The following FCHSD2 variants were observed in gnomAD, a reference collection of about 807,000 sequenced individuals.
FCHSD2 encodes the protein FCH and double SH3 domains 2.
A neutral mutation model predicts 108.1 loss-of-function variants in FCHSD2; 38 were observed. That is an observed-to-expected ratio of 0.35 (90% CI 0.27 to 0.46). FCHSD2 has a LOEUF of 0.46. Ranked by LOEUF, FCHSD2 falls within the 20% of genes least tolerant of loss-of-function variation. The pLI, the probability that FCHSD2 is intolerant of heterozygous loss-of-function variation, is 1.00. For synonymous variants in FCHSD2, 279 were observed against 314.7 expected, an observed-to-expected ratio of 0.89 and a Z score of 1.20; for missense variants, 751 against 897.8, an observed-to-expected ratio of 0.84 and a Z score of 2.09.
At chr11:73,127,045 C>G (rs918092033) in intron 2 of FCHSD2, among the ~76,000 whole-genome samples, 2 of 152,052 alleles carry the variant, frequency 1.3e-5, no homozygotes, top group Admixed American at 1.3e-4. Flanking sequence ...CAAAAGCAAA[C>G]AACAAAAAGA....
At chr11:72,958,244 GC>G (rs1856751390) in intron 8 of FCHSD2, among the ~76,000 whole-genome samples, 1 of 152,204 alleles carries the variant, frequency 6.6e-6, no homozygotes, top group Non-Finnish European at 1.5e-5. Flanking sequence ...CTGGCCAGGT[GC>G]AGTGGCTCAT....
intron 9 of FCHSD2, among the ~76,000 whole-genome samples, chr11:72,918,051 T>C (rs1399278178): frequency 6.6e-6 from 1 of 152,210 alleles, no homozygotes; most frequent in African/African-American, 2.4e-5. Flanking sequence ...TATATGCATT[T>C]ATTTATATCT....
chr11:73,063,386 GT>G (rs1257234269), intron 3 of FCHSD2, among the ~76,000 whole-genome samples: 5 of 152,194 alleles, frequency 3.3e-5, no homozygotes, highest in Non-Finnish European at 5.9e-5. Context: ...TCAACTAATG[GT>G]CAAAACAACC....
intron 8 of FCHSD2, among the ~76,000 whole-genome samples, chr11:72,952,574 C>T (rs1856639585): frequency 6.6e-6 from 1 of 152,146 alleles, no homozygotes; most frequent in South Asian, 2.1e-4. Context: ...ATCTACCGGC[C>T]TCGGCCTCTC....
At chr11:73,053,182 A>G (rs1362055015) in intron 3 of FCHSD2, among the ~76,000 whole-genome samples, 1 of 148,394 alleles carries the variant, frequency 6.7e-6, no homozygotes, top group East Asian at 2.0e-4. Context: ...ATAATTTTCA[A>G]TGAAGTAGGT....
chr11:73,090,400 T>C (rs1859927304), intron 2 of FCHSD2, among the ~76,000 whole-genome samples: 1 of 152,046 alleles, frequency 6.6e-6, no homozygotes, highest in African/African-American at 2.4e-5. Context: ...TAATTTTTTG[T>C]ATTTTTAGTA....
intron 2 of FCHSD2, among the ~76,000 whole-genome samples, chr11:73,120,655 G>C (rs548053186): frequency 6.6e-6 from 1 of 152,148 alleles, no homozygotes; most frequent in Admixed American, 6.5e-5. Context: ...TTTCATCTTG[G>C]AAGGCGGAGG....
At chr11:73,093,873 G>A (rs1860015128) in intron 2 of FCHSD2, among the ~76,000 whole-genome samples, 2 of 151,888 alleles carry the variant, frequency 1.3e-5, no homozygotes, top group African/African-American at 4.8e-5. Context: ...CCAAAGTGTT[G>A]GGATTACAGG....
intron 4 of FCHSD2, among the ~76,000 whole-genome samples, chr11:73,003,677 G>A (rs906666174): frequency 4.0e-5 from 6 of 151,156 alleles, no homozygotes; most frequent in Non-Finnish European, 7.4e-5. Flanking sequence ...TAGTAGAGAC[G>A]GGGTTTCACC....
intron 10 of FCHSD2, among the ~76,000 whole-genome samples, chr11:72,897,575 C>T: frequency 6.6e-6 from 1 of 152,050 alleles, no homozygotes; most frequent in Admixed American, 6.6e-5. Flanking sequence ...GAATCAATCC[C>T]CCATGGAAAC....
At chr11:72,925,998 C>CTT (rs1856068341) in intron 8 of FCHSD2, among the ~76,000 whole-genome samples, 1 of 152,198 alleles carries the variant, frequency 6.6e-6, no homozygotes, top group East Asian at 1.9e-4. Flanking sequence ...CGGGAAGGGC[C>CTT]CCCTGCCCCT....
At chr11:72,878,234 G>A (rs1295212646) in intron 12 of FCHSD2, among the ~76,000 whole-genome samples, 1 of 152,092 alleles carries the variant, frequency 6.6e-6, no homozygotes, top group Non-Finnish European at 1.5e-5. Context: ...CACTATGATT[G>A]TGCCTGTGAA....
intron 9 of FCHSD2, among the ~76,000 whole-genome samples, chr11:72,914,009 CTATTTATTTATT>C (rs557391974): frequency 6.6e-6 from 1 of 151,696 alleles, no homozygotes; most frequent in Non-Finnish European, 1.5e-5. Flanking sequence ...CTGCCTTAAG[CTATTTATTTATT>C]TATTTATTTA....
intron 3 of FCHSD2, among the ~76,000 whole-genome samples, chr11:73,082,607 C>T (rs368106300): frequency 3.6e-4 from 54 of 152,104 alleles, no homozygotes; most frequent in African/African-American, 1.3e-3. Context: ...CTAAAAGAGT[C>T]ATGCCCCAAT....
At chr11:73,069,520 T>A (rs77570823) in intron 3 of FCHSD2, among the ~76,000 whole-genome samples, 1 of 151,602 alleles carries the variant, frequency 6.6e-6, no homozygotes, top group East Asian at 1.9e-4. Flanking sequence ...AACAAAGCAA[T>A]GGATAAGATA....
chr11:73,053,870 C>G (rs1005291880), intron 3 of FCHSD2, among the ~76,000 whole-genome samples: 20 of 152,066 alleles, frequency 1.3e-4, no homozygotes, highest in Non-Finnish European at 4.4e-5. Context: ...TATGTATGAC[C>G]ATTTAAATTA....
chr11:73,075,086 A>C (rs1218969172), intron 3 of FCHSD2, among the ~76,000 whole-genome samples: 1 of 152,212 alleles, frequency 6.6e-6, no homozygotes, highest in Non-Finnish European at 1.5e-5. Flanking sequence ...GAAAGTGCAA[A>C]TCAAACCCAC....
chr11:73,139,490 A>G (rs914077496), intron 2 of FCHSD2, among the ~76,000 whole-genome samples: 3 of 152,256 alleles, frequency 2.0e-5, no homozygotes, highest in African/African-American at 7.2e-5. Context: ...AAGATGTCTT[A>G]GCTATTCAAA....
intron 3 of FCHSD2, among the ~76,000 whole-genome samples, chr11:73,070,572 T>C (rs113725323): frequency 0.049 from 7,405 of 151,992 alleles, 480 homozygotes; most frequent in African/African-American, 0.15. Context: ...TACAGGCGCC[T>C]GCCACCATGT....
Sources: gnomAD v4.1 joint callset for allele counts (sites outside exome capture counted in the v4.1 genomes callset) on GRCh38, gnomAD v4.1.1 for gene constraint, MANE v1.5 for transcripts, NCBI Gene and HGNC (gene_info 2026-07-23, HGNC 2026-07-21) for gene names.